The following TMEM163 variants were observed in gnomAD, a reference collection of about 807,000 sequenced individuals.
TMEM163 encodes the protein transmembrane protein 163.
Under a neutral mutation model 29.3 loss-of-function variants are expected in TMEM163, and 17 were observed. The observed-to-expected ratio is 0.58, with a 90% CI of 0.40 to 0.87. TMEM163 has a LOEUF of 0.87. TMEM163 is among the 40% of genes least tolerant of loss of function. The pLI is 0.00. For synonymous variants in TMEM163, 157 were observed against 160.6 expected, an observed-to-expected ratio of 0.98 and a Z score of 0.17; for missense variants, 303 against 381.5, an observed-to-expected ratio of 0.79 and a Z score of 1.71.
At chr2:134,600,898 T>C (rs1682214208) in intron 2 of TMEM163, among the ~76,000 whole-genome samples, 1 of 152,128 alleles carries the variant, frequency 6.6e-6, no homozygotes, top group Non-Finnish European at 1.5e-5. Flanking sequence ...ATTTGCCCCA[T>C]GAACTCAAAG....
intron 5 of TMEM163, among the ~76,000 whole-genome samples, chr2:134,494,658 T>C (rs1679506121): frequency 6.6e-6 from 1 of 152,262 alleles, no homozygotes; most frequent in Non-Finnish European, 1.5e-5. Context: ...ATTACTTTCA[T>C]AGTTATATGC....
chr2:134,610,636 G>A (rs1383626974), intron 2 of TMEM163, among the ~76,000 whole-genome samples: 1 of 152,154 alleles, frequency 6.6e-6, no homozygotes, highest in African/African-American at 2.4e-5. Flanking sequence ...AATGCACACG[G>A]GATTCGAGTC....
intron 2 of TMEM163, among the ~76,000 whole-genome samples, chr2:134,555,503 C>T (rs1681030571): frequency 6.6e-6 from 1 of 152,208 alleles, no homozygotes; most frequent in Admixed American, 6.5e-5. Flanking sequence ...GGACAAGAAA[C>T]AAGGGCCGTT....
At chr2:134,480,597 A>G (rs1437085102) in intron 5 of TMEM163, among the ~76,000 whole-genome samples, 3 of 152,188 alleles carry the variant, frequency 2.0e-5, no homozygotes, top group East Asian at 3.9e-4. Flanking sequence ...ATTAGATCAC[A>G]CTGATTTAGG....
intron 4 of TMEM163, among the ~76,000 whole-genome samples, chr2:134,540,020 G>A (rs931316451): frequency 1.3e-5 from 2 of 152,226 alleles, no homozygotes; most frequent in Admixed American, 1.3e-4. Context: ...GCAGCAGGGA[G>A]CAGAAGATGG....
chr2:134,656,739 A>T (rs1457467068), intron 2 of TMEM163, among the ~76,000 whole-genome samples: 1 of 152,180 alleles, frequency 6.6e-6, no homozygotes, highest in Non-Finnish European at 1.5e-5. Context: ...TATGTCATAG[A>T]TGGCTCTTAT....
chr2:134,606,029 C>T (rs955397116), intron 2 of TMEM163, among the ~76,000 whole-genome samples: 31 of 152,042 alleles, frequency 2.0e-4, no homozygotes, highest in Non-Finnish European at 1.3e-4. Context: ...TGAGTATACG[C>T]GGGGGGCAGT....
intron 6 of TMEM163, among the ~76,000 whole-genome samples, chr2:134,464,716 C>A (rs1177187501): frequency 1.3e-5 from 2 of 152,090 alleles, no homozygotes; most frequent in Non-Finnish European, 2.9e-5. Context: ...GGACAACCAG[C>A]CCACACCCCC....
At chr2:134,501,804 C>T (rs1389782559) in intron 5 of TMEM163, among the ~76,000 whole-genome samples, 5 of 152,142 alleles carry the variant, frequency 3.3e-5, no homozygotes, top group Non-Finnish European at 7.4e-5. Flanking sequence ...GACTAAATAC[C>T]ACAAATAGGT....
chr2:134,481,546 GAACTGT>G (rs954640925), intron 5 of TMEM163, among the ~76,000 whole-genome samples: 70 of 152,262 alleles, frequency 4.6e-4, no homozygotes, highest in African/African-American at 1.7e-3. Context: ...CAGCCACATG[GAACTGT>G]GAGTCCATTA....
chr2:134,572,735 CTG>C (rs1681461286), intron 2 of TMEM163, among the ~76,000 whole-genome samples: 2 of 152,294 alleles, frequency 1.3e-5, no homozygotes, highest in African/African-American at 4.8e-5. Context: ...ATTCGGAAGA[CTG>C]TGTGCTTATT....
chr2:134,464,329 G>T (rs1320022868), intron 6 of TMEM163, among the ~76,000 whole-genome samples: 4 of 152,158 alleles, frequency 2.6e-5, no homozygotes, highest in Non-Finnish European at 5.9e-5. Context: ...CATAGTCTTG[G>T]GGGGCTGGCA....
At chr2:134,704,844 T>C (rs1182344742) in intron 2 of TMEM163, among the ~76,000 whole-genome samples, 4 of 152,188 alleles carry the variant, frequency 2.6e-5, no homozygotes, top group Non-Finnish European at 5.9e-5. Context: ...AAGGAATTTG[T>C]TACTAGTTTC....
intron 2 of TMEM163, among the ~76,000 whole-genome samples, chr2:134,702,721 T>A (rs1378507038): frequency 6.6e-6 from 1 of 151,994 alleles, no homozygotes; most frequent in African/African-American, 2.4e-5. Context: ...GCTGGAAAAT[T>A]TTTTAAAGAA....
At chr2:134,678,077 G>A (rs1684153868) in intron 2 of TMEM163, among the ~76,000 whole-genome samples, 3 of 152,192 alleles carry the variant, frequency 2.0e-5, no homozygotes, top group East Asian at 1.9e-4. Context: ...GAAGCAGATC[G>A]ACCCTAGCTA....
At chr2:134,699,596 C>T (rs1684653893) in intron 2 of TMEM163, among the ~76,000 whole-genome samples, 1 of 152,102 alleles carries the variant, frequency 6.6e-6, no homozygotes, top group Non-Finnish European at 1.5e-5. Flanking sequence ...CATATGCATT[C>T]CCTGTTATGG....
At chr2:134,700,972 C>T (rs1684690727) in intron 2 of TMEM163, among the ~76,000 whole-genome samples, 2 of 110,450 alleles carry the variant, frequency 1.8e-5, no homozygotes, top group South Asian at 5.5e-4. Flanking sequence ...AAAGACAAAC[C>T]CATTAGTTTA....
intron 2 of TMEM163, among the ~76,000 whole-genome samples, chr2:134,609,242 G>C (rs368518023): frequency 4.1e-3 from 89 of 21,530 alleles, no homozygotes; most frequent in East Asian, 0.019. Flanking sequence ...AACTGTACTG[G>C]TGAAAAGGAG....
chr2:134,582,293 G>T (rs539164935), intron 2 of TMEM163, among the ~76,000 whole-genome samples: 2 of 152,284 alleles, frequency 1.3e-5, no homozygotes, highest in East Asian at 3.9e-4. Context: ...GCTCCTGTAG[G>T]TGGGGGAAGG....
Sources: allele counts gnomAD v4.1 joint callset (sites outside exome capture counted in the v4.1 genomes callset), GRCh38; gene constraint gnomAD v4.1.1; transcripts MANE v1.5; gene names NCBI Gene and HGNC (gene_info 2026-07-23, HGNC 2026-07-21).